RECK: variants seen among roughly 807,000 people sequenced by gnomAD.
RECK encodes the protein reversion-inducing cysteine-rich protein with Kazal motifs.
In RECK, 69 loss-of-function variants were observed where a neutral mutation model predicts 115.1. That is an observed-to-expected ratio of 0.60 (90% CI 0.49 to 0.73). The LOEUF (loss-of-function observed/expected upper bound fraction) is 0.73, where lower values mean the gene tolerates loss of function less well. RECK is among the 30% of genes least tolerant of loss of function. The probability of loss-of-function intolerance (pLI) is 0.00; values close to 1 mark genes in which losing one functional copy is unlikely to be tolerated. For synonymous variants in RECK, 414 were observed against 419.7 expected, an observed-to-expected ratio of 0.99 and a Z score of 0.17; for missense variants, 1,047 against 1,203.7, an observed-to-expected ratio of 0.87 and a Z score of 1.93.
intron 10 of RECK, among the ~76,000 whole-genome samples, chr9:36,099,832 G>C (rs1002280358): frequency 6.6e-6 from 1 of 152,082 alleles, no homozygotes; most frequent in East Asian, 1.9e-4. Flanking sequence ...AAATAGTTAT[G>C]GCCTCTGAGT....
chr9:36,082,578 G>A (rs1013254471), intron 7 of RECK, among the ~76,000 whole-genome samples: 1 of 152,024 alleles, frequency 6.6e-6, no homozygotes, highest in Non-Finnish European at 1.5e-5. Flanking sequence ...TCCCACATCT[G>A]CACCCCCAGC....
intron 8 of RECK, among the ~76,000 whole-genome samples, 161 bp from the exon 9 acceptor site, chr9:36,087,533 C>T (rs1265737267): frequency 6.6e-6 from 1 of 152,090 alleles, no homozygotes; most frequent in Non-Finnish European, 1.5e-5. Context: ...GGAGAAATAC[C>T]TAATGTAGAT....
intron 12 of RECK, among the ~76,000 whole-genome samples, chr9:36,104,682 A>G (rs977781969): frequency 4.6e-5 from 7 of 151,596 alleles, no homozygotes; most frequent in East Asian, 1.9e-4. Context: ...GCTAATTTTT[A>G]TATTTTAGTA....
rs771390084 is a variant in RECK, at chr9:36,091,188, C to T, written c.930C>T (p.Ser310=). The T allele has an allele frequency of 2.3e-5, 37 of 1,614,020 alleles. No homozygotes were observed. In the South Asian group the frequency reaches 3.4e-4, roughly 15 times the overall value. ...TCRELCTKLY[S]MSWGNTQSWQ... ...GGGAACTCTGCACTAAACTTTACAG[C>T]ATGAGCTGGGGCAATACACAGAGTT... is the stretch of plus-strand genomic sequence containing the variant. Residue 310 remains serine, a synonymous_variant, in exon 10 of 21, where the codon AGC becomes AGT. Transcript: ENST00000377966.
chr9:36,087,142 T>A (rs1822995392), intron 8 of RECK, among the ~76,000 whole-genome samples: 1 of 152,156 alleles, frequency 6.6e-6, no homozygotes, highest in Non-Finnish European at 1.5e-5. Context: ...CACTGCCATG[T>A]TCTGTGCTAA....
Position 36,051,370 on chromosome 9 carries a change from T to C in RECK, c.101-895T>C, listed in dbSNP as rs114263215. On this transcript the variant is annotated intron_variant, in intron 1 of 20. Transcript: ENST00000377966. ...TTGCATCTTTGTATAATTACTACTT[T>C]GTTTCCTTCCCATCGTTGCTAGACT... 3.1e-3 allele frequency among the ~76,000 whole-genome samples: 469 copies of C among 152,342 alleles called. 4 individuals are homozygous for C. The highest frequency in any genetic ancestry group is 0.011 in the African/African-American group (449 of 41,580).
chr9:36,111,148 C>A (rs967013727), intron 15 of RECK, among the ~76,000 whole-genome samples: 1 of 152,136 alleles, frequency 6.6e-6, no homozygotes, highest in Admixed American at 6.5e-5. Flanking sequence ...ACTAGCAAGA[C>A]CCCTGTTTCC....
chr9:36,045,541 A>G (rs1311830282), intron 1 of RECK, among the ~76,000 whole-genome samples: 12 of 150,974 alleles, frequency 7.9e-5, no homozygotes. Context: ...ATATATATTT[A>G]TACACATACA....
intron 2 of RECK, 115 bp from the exon 3 acceptor site, chr9:36,058,712 A>G (rs1437040445): frequency 2.9e-6 from 1 of 339,152 alleles, no homozygotes; most frequent in Non-Finnish European, 5.2e-6. Flanking sequence ...AATAAAATAA[A>G]AAGGAAGTTG....
At chr9:36,055,030 T>C (rs1424264338) in intron 2 of RECK, among the ~76,000 whole-genome samples, 1 of 152,148 alleles carries the variant, frequency 6.6e-6, no homozygotes, top group Non-Finnish European at 1.5e-5. Flanking sequence ...TAAGTATGGG[T>C]AAAAAACTTC....
At position 36,110,011 on chromosome 9, in the gene RECK, A is replaced by C. The variant is rs746496519; in HGVS notation, c.1820A>C (p.Asn607Thr). 3 of 1,613,886 alleles carry C rather than the reference A, an allele frequency of 1.9e-6. No homozygotes were observed. In the South Asian group the frequency reaches 3.3e-5, roughly 18 times the overall value. ...AATGTCTGTTCTTGTTTTGCTGGCA[A>C]TTTGGTGTGCTCTACCCGCCTTTGC... ...DCNVCSCFAG[N>T]LVCSTRLCLS... Residue 607 changes from asparagine (N) to threonine (T), a missense_variant, in exon 15 of 21, where the codon AAT becomes ACT. Physicochemically the swap from Asn to Thr is moderately conservative, Grantham distance 65 (BLOSUM62 0). Coordinates refer to ENST00000377966, the MANE Select transcript of RECK (RefSeq NM_021111.3).
chr9:36,094,044 CA>C lies in RECK; in HGVS notation c.1085+2710del, dbSNP rs200250238. 2.7e-5 allele frequency among the ~76,000 whole-genome samples: 4 copies of C among 150,110 alleles called. No homozygotes were observed. The highest frequency in any genetic ancestry group is 3.4e-3 in the Middle Eastern group (1 of 290). On this transcript the variant is annotated intron_variant, in intron 10 of 20. Coordinates refer to ENST00000377966, the MANE Select transcript of RECK (RefSeq NM_021111.3). The surrounding 1 kb of genome is among the most constrained non-coding windows in gnomAD (Gnocchi z 4.1). Reference sequence around the variant, plus strand: ...AAAATAAAGGTATTTCTAGATATTACAAAAAAAAACAACCTCAGAATTTTCT... The same window carrying C: ...AAAATAAAGGTATTTCTAGATATTACAAAAAAAACAACCTCAGAATTTTCT...
intron 6 of RECK, 38 bp from the exon 7 acceptor site, chr9:36,080,567 T>G (rs1387545529): frequency 1.1e-5 from 16 of 1,520,530 alleles, no homozygotes; most frequent in Non-Finnish European, 1.1e-5. Context: ...TCTCTCTGGT[T>G]GTTAATTTCT....
At chr9:36,069,137 A>G (rs1426354689) in intron 6 of RECK, among the ~76,000 whole-genome samples, 1 of 152,222 alleles carries the variant, frequency 6.6e-6, no homozygotes, top group Non-Finnish European at 1.5e-5. Flanking sequence ...AATAAAAGCC[A>G]ACAGGAACAA....
chr9:36,063,146 TAG>T (rs1821852585), intron 4 of RECK, among the ~76,000 whole-genome samples: 1 of 151,886 alleles, frequency 6.6e-6, no homozygotes, highest in Non-Finnish European at 1.5e-5. Flanking sequence ...AAAAAAAAAT[TAG>T]AACACTTTTT....
chr9:36,095,470 T>C (rs1353963676), intron 10 of RECK, among the ~76,000 whole-genome samples: 3 of 152,216 alleles, frequency 2.0e-5, no homozygotes, highest in African/African-American at 4.8e-5. Flanking sequence ...CAACTCCTCT[T>C]ATGAGGCTAG....
chr9:36,048,821 A>G lies in RECK; in HGVS notation c.101-3444A>G, dbSNP rs529783645. ...TTTTACTTCCAACTGGATATAATGT[A>G]ATTCAGTTCTGCCACCCAGAATCAG... On this transcript the variant is annotated intron_variant, in intron 1 of 20. Coordinates refer to ENST00000377966, the MANE Select transcript of RECK (RefSeq NM_021111.3). Among the ~76,000 whole-genome samples, 24 of 152,290 alleles carry G rather than the reference A, an allele frequency of 1.6e-4. No individual in the cohort carries two copies. The South Asian group carries it at 5.0e-3, about 32-fold the overall frequency.
chr9:36,104,236 CTTAA>C lies in RECK; in HGVS notation c.1436-903_1436-900del, dbSNP rs576071788. On this transcript the variant is annotated intron_variant, in intron 12 of 20. Transcript: ENST00000377966. ...CTACTTATTACTTACAATTTTCTGA[CTTAA>C]TTATTTATTTATAGATACACATATA... Among the ~76,000 whole-genome samples the C allele has an allele frequency of 5.5e-4, 70 of 126,252 alleles. 2 individuals are homozygous for C. The South Asian group carries it at 0.014, about 26-fold the overall frequency. 82.8% of individuals were successfully genotyped at this position (126,252 alleles called of 152,430 possible).
intron 15 of RECK, among the ~76,000 whole-genome samples, chr9:36,110,778 A>G (rs553666107): frequency 7.0e-6 from 1 of 143,380 alleles, no homozygotes; most frequent in East Asian, 2.4e-4. Flanking sequence ...TTTCCCCAGA[A>G]TTAGTATTAC....
Sources: allele counts gnomAD v4.1 joint callset (sites outside exome capture counted in the v4.1 genomes callset), GRCh38; gene constraint gnomAD v4.1.1; non-coding constraint Gnocchi (gnomAD v3.1); transcripts MANE v1.5; gene names NCBI Gene and HGNC (gene_info 2026-07-23, HGNC 2026-07-21).